CLVS1: variants seen among roughly 807,000 people sequenced by gnomAD.
The protein encoded by CLVS1 is clavesin 1.
Under a neutral mutation model 33.1 loss-of-function variants are expected in CLVS1, and 10 were observed. The ratio of observed to expected loss-of-function variants is 0.30; its 90% CI spans 0.19 to 0.51. The LOEUF is 0.51. Ranked by LOEUF, CLVS1 falls within the 20% of genes least tolerant of loss-of-function variation. The pLI is 0.97. For synonymous variants in CLVS1, 163 were observed against 166.1 expected (o/e 0.98, Z 0.14); for missense variants, 343 against 433.4 (o/e 0.79, Z 1.85).
rs182386227 is a variant in CLVS1, at chr8:61,280,352, T to G, written c.-151-19325T>G. ...TGGTGGGAGATGCCATGATAGAACC[T>G]GATTACAACAGCACAGGAGCTGACA... On this transcript the variant is annotated intron_variant, in intron 2 of 2. Coordinates refer to the CLVS1 transcript ENST00000522621. 2.0e-5 allele frequency among the ~76,000 whole-genome samples: 3 copies of G among 152,314 alleles called. No individual in the cohort carries two copies. In the East Asian group the frequency reaches 5.8e-4, roughly 29 times the overall value.
chr8:61,251,407 T>A (rs1218827436), intron 2 of CLVS1, among the ~76,000 whole-genome samples: 1 of 152,200 alleles, frequency 6.6e-6, no homozygotes, highest in East Asian at 1.9e-4. Context: ...GGCTTTGGTA[T>A]TAGGATGATA....
intron 3 of CLVS1, among the ~76,000 whole-genome samples, chr8:61,448,872 A>G (rs1360472262): frequency 6.6e-6 from 1 of 152,200 alleles, no homozygotes; most frequent in East Asian, 1.9e-4. Flanking sequence ...TTTGTCAGAT[A>G]ATGCTAACAC....
At chr8:61,358,452 A>C (rs1259875365) in intron 2 of CLVS1, among the ~76,000 whole-genome samples, 2 of 152,186 alleles carry the variant, frequency 1.3e-5, no homozygotes, top group Non-Finnish European at 2.9e-5. Context: ...ATTTTATTCT[A>C]TCTCTCTGAA....
chr8:61,030,223 A>G, the CLVS1 span, among the ~76,000 whole-genome samples: 3 of 150,204 alleles, frequency 2.0e-5, no homozygotes, highest in Non-Finnish European at 4.4e-5. Flanking sequence ...TTCAGAAATA[A>G]TTTTAGTGTT....
At chr8:61,490,417 T>A (rs1586052284) in intron 5 of CLVS1, among the ~76,000 whole-genome samples, 1 of 150,590 alleles carries the variant, frequency 6.6e-6, no homozygotes, top group South Asian at 2.1e-4. Context: ...GCCTGTAATC[T>A]CAGCACTTTG....
chr8:61,090,633 G>T (rs185843841), intron 1 of CLVS1, among the ~76,000 whole-genome samples: 3 of 152,314 alleles, frequency 2.0e-5, no homozygotes, highest in African/African-American at 4.8e-5. Context: ...GCATTTGGAA[G>T]TTGGTGGGGA....
chr8:61,409,326 T>G (rs1815126353), intron 3 of CLVS1, among the ~76,000 whole-genome samples: 1 of 152,194 alleles, frequency 6.6e-6, no homozygotes, highest in Admixed American at 6.5e-5. Flanking sequence ...TAAACAGAAG[T>G]ATATATTGTT....
At chr8:61,238,358 T>G (rs1042317617) in intron 2 of CLVS1, among the ~76,000 whole-genome samples, 4 of 151,890 alleles carry the variant, frequency 2.6e-5, no homozygotes, top group Admixed American at 2.0e-4. Flanking sequence ...CCCTCCACTG[T>G]TCTCCTTTCT....
chr8:61,493,505 A>G (rs1586056817), intron 5 of CLVS1, among the ~76,000 whole-genome samples: 1 of 152,280 alleles, frequency 6.6e-6, no homozygotes, highest in East Asian at 1.9e-4. Context: ...CCACTATCCT[A>G]TCTTCATTTT....
At chr8:61,448,334 C>T (rs1206123522) in intron 3 of CLVS1, among the ~76,000 whole-genome samples, 1 of 151,968 alleles carries the variant, frequency 6.6e-6, no homozygotes, top group Non-Finnish European at 1.5e-5. Flanking sequence ...AGTACTTTTC[C>T]AGCCTCGATC....
the CLVS1 span, among the ~76,000 whole-genome samples, chr8:61,019,450 C>T: frequency 6.6e-6 from 1 of 152,058 alleles, no homozygotes; most frequent in Non-Finnish European, 1.5e-5. Context: ...AGAATATTTT[C>T]CTAAAAAAAA....
intron 3 of CLVS1, chr8:61,378,499 G>T (rs1200007441): frequency 6.6e-6 from 1 of 152,150 alleles, no homozygotes; most frequent in African/African-American, 2.4e-5. Flanking sequence ...GTCCCATTTG[G>T]GCCTTCAGTT....
chr8:61,231,531 C>G (rs1190124591), intron 2 of CLVS1, among the ~76,000 whole-genome samples: 1 of 152,172 alleles, frequency 6.6e-6, no homozygotes, highest in Non-Finnish European at 1.5e-5. Flanking sequence ...AATCCACTCC[C>G]CTTGTCCCTT....
chr8:61,207,760 G>T (rs11781240), intron 2 of CLVS1, among the ~76,000 whole-genome samples: 14,428 of 152,082 alleles, frequency 0.095, 1,346 homozygotes, highest in African/African-American at 0.24. Context: ...ATTTCACGTG[G>T]TTCCTGGCTG....
At chr8:61,398,671 A>T (rs1201004060) in intron 3 of CLVS1, among the ~76,000 whole-genome samples, 2 of 152,048 alleles carry the variant, frequency 1.3e-5, no homozygotes, top group Non-Finnish European at 2.9e-5. Flanking sequence ...CCCAGCATCT[A>T]TTAACTATTC....
At chr8:61,034,746 C>A in the CLVS1 span, among the ~76,000 whole-genome samples, 3 of 152,168 alleles carry the variant, frequency 2.0e-5, no homozygotes, top group South Asian at 2.1e-4. Flanking sequence ...CTTGCAATGG[C>A]GGTGAAAATG....
chr8:61,460,803 GACTAGAGC>G (rs1157000022), intron 5 of CLVS1, among the ~76,000 whole-genome samples: 1 of 152,202 alleles, frequency 6.6e-6, no homozygotes, highest in East Asian at 1.9e-4. Flanking sequence ...CTTTTGCTTT[GACTAGAGC>G]ACTGCCACCT....
At chr8:61,431,167 A>G (rs914783137) in intron 3 of CLVS1, among the ~76,000 whole-genome samples, 19 of 152,234 alleles carry the variant, frequency 1.2e-4, no homozygotes, top group African/African-American at 4.6e-4. Context: ...CAGTAAGTCC[A>G]AAACTTCCTC....
intron 2 of CLVS1, among the ~76,000 whole-genome samples, chr8:61,199,654 T>A (rs1220733616): frequency 6.6e-6 from 1 of 152,192 alleles, no homozygotes; most frequent in Non-Finnish European, 1.5e-5. Context: ...TCACTGCTGG[T>A]GGGAATGTAA....
Sources: allele counts gnomAD v4.1 joint callset (sites outside exome capture counted in the v4.1 genomes callset), GRCh38; gene constraint gnomAD v4.1.1; transcripts MANE v1.5; gene names NCBI Gene and HGNC (gene_info 2026-07-23, HGNC 2026-07-21).